Variants in TTC7A observed in about 807,000 individuals in gnomAD.
The protein encoded by TTC7A is tetratricopeptide repeat protein 7A.
A neutral mutation model predicts 103.7 loss-of-function variants in TTC7A; 110 were observed. That is an observed-to-expected ratio of 1.06 (90% CI 0.91 to 1.24). TTC7A has a LOEUF of 1.24. TTC7A is among the 50% of genes most tolerant of loss of function. The pLI, the probability that TTC7A is intolerant of heterozygous loss-of-function variation, is 0.00. For missense variants in TTC7A, 1,340 were observed against 1,116.3 expected (o/e 1.20, Z -2.86); for synonymous variants, 521 against 467.9 (o/e 1.11, Z -1.47).
In TTC7A at chr2:46,946,408, CT is replaced by C. The variant is rs1173277520; in HGVS notation, c.185-3946del. On this transcript the variant is annotated intron_variant, in intron 1 of 19. Transcript: ENST00000319190. ...AGGGAAGCCTTTATCCACCTGAATT[CT>C]TTTTTTTTAATTTTTTTAATTTTTA... is the stretch of plus-strand genomic sequence containing the variant. Among the ~76,000 whole-genome samples the C allele has an allele frequency of 1.1e-4, 16 of 151,608 alleles. 1 individual carries two copies. The highest frequency in any genetic ancestry group is 2.6e-4 in the Admixed American group (4 of 15,200).
Position 47,029,286 on chromosome 2 carries a change from C to T in TTC7A, c.1704C>T (p.Ala568=), listed in dbSNP as rs370070404. ...AGGTACGCAAGGATGATGCCCACGCCCTCCACCTGCTGGCACTGCTCTTCT... is the reference window on the plus strand; with the variant it reads ...AGGTACGCAAGGATGATGCCCACGCTCTCCACCTGCTGGCACTGCTCTTCT... ...ALKVRKDDAH[A]LHLLALLFSA... Residue 568 remains alanine, a synonymous_variant, in exon 15 of 20, where the codon GCC becomes GCT. Transcript: ENST00000319190. The T allele has an allele frequency of 3.7e-6, 6 of 1,613,950 alleles. No homozygotes were observed. The African/African-American group carries it at 8.0e-5, about 22-fold the overall frequency.
chr2:46,971,954 CGGAGGTAGGGAGGGAG>C (rs1038498877), intron 3 of TTC7A, among the ~76,000 whole-genome samples: 3 of 123,636 alleles, frequency 2.4e-5, no homozygotes, highest in African/African-American at 9.0e-5. Flanking sequence ...CAGGAAGGGA[CGGAGGTAGGGAGGGAG>C]GGAGGCAGGG....
At position 47,059,010 on chromosome 2, in the gene TTC7A, T is replaced by TC. The variant is rs1683552224; in HGVS notation, c.2153-1759_2153-1758insC. 3.6e-4 allele frequency among the ~76,000 whole-genome samples: 5 copies of TC among 13,724 alleles called. No homozygotes were observed. The South Asian group carries it at 0.027, about 75-fold the overall frequency. 9.0% of individuals were successfully genotyped at this position (13,724 alleles called of 152,430 possible). On this transcript the variant is annotated intron_variant, in intron 18 of 19. Coordinates refer to ENST00000319190, the MANE Select transcript of TTC7A (RefSeq NM_020458.4). ...TGGGGTCCTCACCTCCTAAGCCTGC[T>TC]TTTTTTTTTTTTTTTTTTTTTTTTT... is the stretch of plus-strand genomic sequence containing the variant.
intron 5 of TTC7A, among the ~76,000 whole-genome samples, chr2:46,981,896 TC>T (rs1674504337): frequency 6.6e-6 from 1 of 152,194 alleles, no homozygotes. Flanking sequence ...TGAGGTCACT[TC>T]CAGGAGGCAG....
At chr2:47,005,788 T>C in intron 8 of TTC7A, 134 bp from the exon 9 acceptor site, 2 of 915,538 alleles carry the variant, frequency 2.2e-6, no homozygotes, top group Admixed American at 4.2e-5. Flanking sequence ...TTTCTGGGAG[T>C]GTGGCCATCT....
rs199621267 is a variant in TTC7A, at chr2:47,006,072, A to G, written c.1203+13A>G. The G allele has an allele frequency of 4.4e-4, 716 of 1,610,940 alleles. 12 individuals carry two copies. In the South Asian group the frequency reaches 7.2e-3, roughly 16 times the overall value. The stretch of plus-strand genomic sequence containing the variant: ...CATGCTCTCGGAGGTACGGCCGGCC[A>G]TGCAGCCCACCCCACTCTCCGGAGT... On this transcript the variant is annotated intron_variant, in intron 9 of 19. Coordinates refer to ENST00000319190, the MANE Select transcript of TTC7A (RefSeq NM_020458.4).
upstream of TTC7A, among the ~76,000 whole-genome samples, chr2:46,939,224 A>G (rs1406317271): frequency 1.3e-5 from 2 of 152,222 alleles, no homozygotes; most frequent in East Asian, 3.9e-4. Context: ...CCTCTACCCA[A>G]AATTGTACAA....
intron 5 of TTC7A, among the ~76,000 whole-genome samples, chr2:46,981,397 A>C (rs767753736): frequency 6.6e-6 from 1 of 151,872 alleles, no homozygotes; most frequent in Non-Finnish European, 1.5e-5. Context: ...GCTCAGAGCT[A>C]TGTGGGGCTG....
chr2:47,064,489 C>T (rs1684031378), intron 19 of TTC7A, among the ~76,000 whole-genome samples: 1 of 152,234 alleles, frequency 6.6e-6, no homozygotes, highest in Non-Finnish European at 1.5e-5. Flanking sequence ...CAGAGGCCCT[C>T]CCAGAATGCG....
chr2:46,928,005 CA>C (rs1304059738), intron 2 of TTC7A, among the ~76,000 whole-genome samples: 1 of 150,700 alleles, frequency 6.6e-6, no homozygotes, highest in African/African-American at 2.4e-5. Flanking sequence ...GTGATCCTCC[CA>C]CCTCTGCCTC....
intron 2 of TTC7A, among the ~76,000 whole-genome samples, chr2:46,956,111 C>G (rs1204786480): frequency 3.3e-5 from 5 of 152,230 alleles, no homozygotes. Flanking sequence ...TCATGGCTGA[C>G]AAGACCACTG....
chr2:46,968,620 T>C (rs145744307), intron 3 of TTC7A, among the ~76,000 whole-genome samples: 1 of 152,310 alleles, frequency 6.6e-6, no homozygotes, highest in East Asian at 1.9e-4. Flanking sequence ...CCAGAAACTT[T>C]TTGGCCCTGT....
chr2:46,950,585 T>C, intron 2 of TTC7A, 59 bp downstream of exon 2: 1 of 1,563,876 alleles, frequency 6.4e-7, no homozygotes, highest in Non-Finnish European at 8.7e-7. Context: ...GCCTCGCATC[T>C]GTCCAGTCCT....
intron 11 of TTC7A, among the ~76,000 whole-genome samples, chr2:47,019,646 A>G (rs1345892438): frequency 1.3e-5 from 2 of 152,166 alleles, no homozygotes; most frequent in Admixed American, 6.5e-5. Context: ...TATGATGTAT[A>G]TGAACTGGAG....
chr2:47,044,359 G>A lies in TTC7A; in HGVS notation c.1803-1956G>A, dbSNP rs187544634. 5.3e-5 allele frequency among the ~76,000 whole-genome samples: 8 copies of A among 152,252 alleles called. No homozygotes were observed. The East Asian group carries it at 5.8e-4, about 11-fold the overall frequency. Reference sequence around the variant, plus strand: ...ATTGTGTTTTCTTCTTCATATTCCCGAAAGCACAGGCCCCTGATACTTATG... The same window carrying A: ...ATTGTGTTTTCTTCTTCATATTCCCAAAAGCACAGGCCCCTGATACTTATG... On this transcript the variant is annotated intron_variant, in intron 15 of 19. Transcript: ENST00000319190.
chr2:46,947,171 G>A (rs1671014423), intron 1 of TTC7A, among the ~76,000 whole-genome samples: 1 of 152,202 alleles, frequency 6.6e-6, no homozygotes, highest in Admixed American at 6.5e-5. Context: ...TTGCAGGAGA[G>A]ACAGGGTGTT....
intron 3 of TTC7A, 141 bp from the exon 4 acceptor site, chr2:46,974,832 T>C: frequency 1.7e-6 from 2 of 1,148,922 alleles, no homozygotes; most frequent in South Asian, 1.4e-5. Context: ...GCTTCCTCCC[T>C]CCCCTCCGCA....
upstream of TTC7A, among the ~76,000 whole-genome samples, chr2:46,936,810 C>CT (rs1203244194): frequency 9.2e-5 from 14 of 151,438 alleles, no homozygotes; most frequent in South Asian, 6.3e-4. Context: ...CAGTGGTCTT[C>CT]TTTTTTTTCA....
chr2:47,027,667 C>G (rs779541030), intron 14 of TTC7A, among the ~76,000 whole-genome samples: 1 of 152,232 alleles, frequency 6.6e-6, no homozygotes, highest in Admixed American at 6.5e-5. Flanking sequence ...CCAAAACGAG[C>G]AGGATCAATC....
Sources: allele counts gnomAD v4.1 joint callset (sites outside exome capture counted in the v4.1 genomes callset), GRCh38; gene constraint gnomAD v4.1.1; transcripts MANE v1.5; gene names NCBI Gene and HGNC (gene_info 2026-07-23, HGNC 2026-07-21).